Variants in NTF3 observed in about 807,000 individuals in gnomAD.
NTF3 encodes the protein neurotrophin 3.
A neutral mutation model predicts 26.3 loss-of-function variants in NTF3; 8 were observed. The observed-to-expected ratio is 0.30, with a 90% CI of 0.18 to 0.55. The LOEUF (loss-of-function observed/expected upper bound fraction) is 0.55. Ranked by LOEUF, NTF3 falls within the 20% of genes least tolerant of loss-of-function variation. The pLI is 0.93. For missense variants in NTF3, 276 were observed against 352.9 expected, an observed-to-expected ratio of 0.78 and a Z score of 1.75; for synonymous variants, 154 against 145.5, an observed-to-expected ratio of 1.06 and a Z score of -0.42.
chr12:5,462,165 C>T (rs1311819889), intron 1 of NTF3, among the ~76,000 whole-genome samples: 1 of 151,142 alleles, frequency 6.6e-6, no homozygotes, highest in African/African-American at 2.4e-5. Context: ...CATGCCTTTG[C>T]CTACAGCAGA....
chr12:5,471,996 A>G lies in NTF3; in HGVS notation c.19-22198A>G, dbSNP rs1265652781. Among the ~76,000 whole-genome samples, 4 of 152,090 alleles carry G rather than the reference A, an allele frequency of 2.6e-5. No homozygotes were observed. In the East Asian group the frequency reaches 7.7e-4, roughly 29 times the overall value. Reference sequence around the variant, plus strand: ...CAAGACCTTCCTCTGCACACCGTCCATTTTTACTTGGTTTCATTTTGATAA... The same window carrying G: ...CAAGACCTTCCTCTGCACACCGTCCGTTTTTACTTGGTTTCATTTTGATAA... On this transcript the variant is annotated intron_variant, in intron 1 of 1. Coordinates refer to ENST00000423158, the MANE Select transcript of NTF3 (RefSeq NM_001102654.2).
At chr12:5,436,686 A>G (rs1940172789) in intron 1 of NTF3, among the ~76,000 whole-genome samples, 1 of 152,210 alleles carries the variant, frequency 6.6e-6, no homozygotes, top group African/African-American at 2.4e-5. Context: ...CTTTCTCTTT[A>G]CAATGCAACT....
At chr12:5,445,684 G>A (rs1311070714) in intron 1 of NTF3, among the ~76,000 whole-genome samples, 1 of 152,198 alleles carries the variant, frequency 6.6e-6, no homozygotes, top group Non-Finnish European at 1.5e-5. Context: ...CTAGGGTTGG[G>A]ACAGAAGCTC....
rs1940100018 is a variant in NTF3, at chr12:5,432,191, CTCCTT to C, written c.-131_-127del. The stretch of plus-strand genomic sequence containing the variant: ...GCCCGGCGCAACTACTTTCTTCTCT[CTCCTT>C]TCTTTCTTCCTCTCCTTTTTCCCCT... On this transcript the variant is annotated 5_prime_UTR_variant, in exon 1 of 2. Transcript: ENST00000423158. The C allele has an allele frequency of 9.4e-7, 1 of 1,062,326 alleles. No individual in the cohort carries two copies. Among genetic ancestry groups the C allele is most frequent in the South Asian group, 1.3e-5 (1 of 77,744 alleles). 65.8% of individuals were successfully genotyped at this position (1,062,326 alleles called of 1,614,324 possible). A position where few individuals can be genotyped will look rare whatever the true frequency, so the allele number is the denominator to read the frequency against.
intron 1 of NTF3, among the ~76,000 whole-genome samples, chr12:5,484,030 G>A (rs1473588957): frequency 6.6e-6 from 1 of 152,174 alleles, no homozygotes; most frequent in African/African-American, 2.4e-5. Flanking sequence ...TGTTGGTCAG[G>A]TTCATCTGGG....
intron 1 of NTF3, among the ~76,000 whole-genome samples, chr12:5,483,739 G>A (rs1426532940): frequency 6.6e-6 from 1 of 152,200 alleles, no homozygotes; most frequent in East Asian, 1.9e-4. Context: ...TCGCATTTGC[G>A]TTTTCAAACA....
chr12:5,457,411 T>A (rs1940465676), intron 1 of NTF3, among the ~76,000 whole-genome samples: 1 of 152,224 alleles, frequency 6.6e-6, no homozygotes, highest in Non-Finnish European at 1.5e-5. Context: ...GGCTTTGCCT[T>A]GCCTGGCCCT....
chr12:5,482,528 A>T (rs1051675701), intron 1 of NTF3, among the ~76,000 whole-genome samples: 1 of 152,146 alleles, frequency 6.6e-6, no homozygotes, highest in African/African-American at 2.4e-5. Context: ...GCAGTCTCTA[A>T]TGTGAATGGA....
intron 1 of NTF3, among the ~76,000 whole-genome samples, chr12:5,458,358 C>G (rs1314355733): frequency 6.6e-6 from 1 of 152,194 alleles, no homozygotes; most frequent in Admixed American, 6.5e-5. Context: ...ATCACACACT[C>G]CCATTGCATG....
chr12:5,463,810 A>T (rs967426432), intron 1 of NTF3, among the ~76,000 whole-genome samples: 3 of 152,208 alleles, frequency 2.0e-5, no homozygotes, highest in African/African-American at 7.2e-5. Flanking sequence ...CTGGGTTACC[A>T]ACTTGCTGTG....
chr12:5,478,203 C>T (rs1017531252), intron 1 of NTF3, among the ~76,000 whole-genome samples: 3 of 152,222 alleles, frequency 2.0e-5, no homozygotes, highest in Admixed American at 6.5e-5. Flanking sequence ...ATTCAGTTCA[C>T]AAACATTGAT....
rs999147676 is a variant in NTF3, at chr12:5,471,898, A to T, written c.19-22296A>T. Among the ~76,000 whole-genome samples, 3 of 152,142 alleles carry T rather than the reference A, an allele frequency of 2.0e-5. No homozygotes were observed. The East Asian group carries it at 5.8e-4, about 29-fold the overall frequency. ...CAGAGAGAGGAGAATCAAATCTCCC[A>T]CATGTGCATCATGCCTGCGAGTCTC... is the stretch of plus-strand genomic sequence containing the variant. On this transcript the variant is annotated intron_variant, in intron 1 of 1. Coordinates refer to ENST00000423158, the MANE Select transcript of NTF3 (RefSeq NM_001102654.2).
rs1940993585 is a variant in NTF3, at chr12:5,495,188, T to C, written c.*200T>C. The C allele has an allele frequency of 1.7e-6, 1 of 595,128 alleles. No individual in the cohort carries two copies. The highest frequency in any genetic ancestry group is 3.3e-5 in the Admixed American group (1 of 29,918). The allele number at this position is 595,128 out of a possible 1,614,324, so 36.9% of individuals were successfully genotyped here. On this transcript the variant is annotated 3_prime_UTR_variant, in exon 2 of 2. Coordinates refer to ENST00000423158, the MANE Select transcript of NTF3 (RefSeq NM_001102654.2). ...CAGGCCTCTCCCATCTGTTAAAACT[T>C]GTTTTGTGATCCGGCTCTCAGGAGT...
chr12:5,484,917 A>G (rs1339513143), intron 1 of NTF3, among the ~76,000 whole-genome samples: 1 of 152,232 alleles, frequency 6.6e-6, no homozygotes, highest in Non-Finnish European at 1.5e-5. Context: ...TAACAGATCA[A>G]AACAGGGGAT....
chr12:5,446,407 T>C (rs1940306099), intron 1 of NTF3, among the ~76,000 whole-genome samples: 1 of 152,250 alleles, frequency 6.6e-6, no homozygotes, highest in Non-Finnish European at 1.5e-5. Flanking sequence ...TGCTGATTTC[T>C]GGCACTGATG....
intron 1 of NTF3, among the ~76,000 whole-genome samples, chr12:5,465,134 C>G (rs1481982319): frequency 1.3e-5 from 2 of 152,206 alleles, no homozygotes; most frequent in Non-Finnish European, 2.9e-5. Flanking sequence ...ATCTCCCGCC[C>G]TCAGTCCAGG....
chr12:5,469,981 A>G (rs772030871), intron 1 of NTF3, among the ~76,000 whole-genome samples: 1 of 152,062 alleles, frequency 6.6e-6, no homozygotes, highest in Non-Finnish European at 1.5e-5. Context: ...CTAGAGTGCA[A>G]TGGCGCGATC....
chr12:5,493,483 C>T (rs1940963958), intron 1 of NTF3, among the ~76,000 whole-genome samples: 1 of 152,146 alleles, frequency 6.6e-6, no homozygotes, highest in African/African-American at 2.4e-5. Flanking sequence ...GGCAGAGCTG[C>T]GTTTTGTGGA....
At chr12:5,467,228 C>A (rs1336516328) in intron 1 of NTF3, among the ~76,000 whole-genome samples, 2 of 49,542 alleles carry the variant, frequency 4.0e-5, no homozygotes, top group South Asian at 1.1e-3. Flanking sequence ...GACTCCGTCT[C>A]AAAAAAAAAA....
Sources: allele counts gnomAD v4.1 joint callset (sites outside exome capture counted in the v4.1 genomes callset), GRCh38; gene constraint gnomAD v4.1.1; transcripts MANE v1.5; gene names NCBI Gene and HGNC (gene_info 2026-07-23, HGNC 2026-07-21).